The following ANKRD45 variants were observed in gnomAD, a reference collection of about 807,000 sequenced individuals.
ANKRD45 encodes the protein ankyrin repeat domain 45.
Under a neutral mutation model 28.1 loss-of-function variants are expected in ANKRD45, and 21 were observed. The observed-to-expected ratio is 0.75, with a 90% CI of 0.53 to 1.08. The LOEUF is 1.08. Among genes scored for constraint, ANKRD45 ranks in the 50% least tolerant of loss-of-function variants. ANKRD45 has a pLI of 0.00. For missense variants in ANKRD45, 261 were observed against 308.7 expected (o/e 0.85, Z 1.16); for synonymous variants, 86 against 103.9 (o/e 0.83, Z 1.05).
intron 1 of ANKRD45, chr1:173,667,773 C>T (rs1423669870): frequency 2.4e-6 from 1 of 416,400 alleles, no homozygotes; most frequent in African/African-American, 2.1e-5. Flanking sequence ...AAAATGTGCA[C>T]AATTATCTGA....
upstream of ANKRD45, among the ~76,000 whole-genome samples, chr1:173,672,850 G>T (rs185738988): frequency 2.3e-3 from 355 of 152,250 alleles, 4 homozygotes; most frequent in Admixed American, 0.022. Flanking sequence ...TGAAGGGGCC[G>T]AGTGCCCATG....
At chr1:173,663,087 A>C (rs115689228) in intron 1 of ANKRD45, among the ~76,000 whole-genome samples, 21 of 143,290 alleles carry the variant, frequency 1.5e-4, no homozygotes, top group African/African-American at 5.5e-4. Context: ...ACACACACAC[A>C]CACACCTTCT....
At chr1:173,691,232 TTTTTG>T in the ANKRD45 span, among the ~76,000 whole-genome samples, 3 of 152,104 alleles carry the variant, frequency 2.0e-5, no homozygotes, top group African/African-American at 7.2e-5. Context: ...GCTGGCCAGT[TTTTTG>T]TTTTGGTTTG....
At chr1:173,638,511 C>A (rs115888976) in intron 3 of ANKRD45, among the ~76,000 whole-genome samples, 79 of 152,232 alleles carry the variant, frequency 5.2e-4, no homozygotes, top group African/African-American at 1.9e-3. Context: ...AAACCTCCAG[C>A]AAGGAGCAAG....
At chr1:173,682,686 C>T in the ANKRD45 span, among the ~76,000 whole-genome samples, 3 of 79,786 alleles carry the variant, frequency 3.8e-5, no homozygotes, top group African/African-American at 1.3e-4. Context: ...CTTTTAAATA[C>T]ACACACACAC....
chr1:173,694,075 T>C, the ANKRD45 span, among the ~76,000 whole-genome samples: 1 of 152,210 alleles, frequency 6.6e-6, no homozygotes, highest in African/African-American at 2.4e-5. Flanking sequence ...TAGCACTGTC[T>C]AAGGCACTAT....
the ANKRD45 span, among the ~76,000 whole-genome samples, chr1:173,707,243 C>T: frequency 1.3e-5 from 2 of 151,008 alleles, no homozygotes; most frequent in African/African-American, 4.9e-5. Context: ...TTTTTTACTA[C>T]ATTTATCTTT....
chr1:173,627,204 G>A (rs1667978119), intron 3 of ANKRD45, 45 bp from the exon 4 acceptor site: 2 of 1,335,514 alleles, frequency 1.5e-6, no homozygotes, highest in African/African-American at 3.1e-5. Context: ...ACAAACACAA[G>A]AGGCAAAGCA....
intron 3 of ANKRD45, among the ~76,000 whole-genome samples, chr1:173,639,662 A>ATC (rs1337705644): frequency 6.6e-6 from 1 of 152,126 alleles, no homozygotes; most frequent in Non-Finnish European, 1.5e-5. Context: ...TAAAGAAATC[A>ATC]CCTCCAAGGG....
At chr1:173,641,856 A>C (rs1668715020) in intron 3 of ANKRD45, among the ~76,000 whole-genome samples, 1 of 152,206 alleles carries the variant, frequency 6.6e-6, no homozygotes, top group Non-Finnish European at 1.5e-5. Context: ...GGTTAACTAC[A>C]TATCTATAAA....
At chr1:173,611,686 C>T (rs1224453817) in intron 5 of ANKRD45, among the ~76,000 whole-genome samples, 2 of 151,830 alleles carry the variant, frequency 1.3e-5, no homozygotes. Context: ...ACAAAACTCT[C>T]AGAAGAAAAC....
At chr1:173,712,935 T>C in the ANKRD45 span, among the ~76,000 whole-genome samples, 1 of 152,182 alleles carries the variant, frequency 6.6e-6, no homozygotes, top group Non-Finnish European at 1.5e-5. Context: ...AGGGTTAGCA[T>C]TTTCCAAGTG....
the ANKRD45 span, among the ~76,000 whole-genome samples, chr1:173,696,652 C>T: frequency 7.9e-5 from 12 of 152,168 alleles, no homozygotes; most frequent in Admixed American, 7.2e-4. Context: ...TTGACCAATA[C>T]CATGCTGTTT....
intron 4 of ANKRD45, among the ~76,000 whole-genome samples, chr1:173,625,170 CAT>C (rs1426929312): frequency 6.6e-6 from 1 of 152,060 alleles, no homozygotes; most frequent in African/African-American, 2.4e-5. Context: ...TGAATAGTCA[CAT>C]GTGGCTAGTA....
intron 2 of ANKRD45, among the ~76,000 whole-genome samples, chr1:173,651,448 C>A (rs1669216693): frequency 1.3e-5 from 2 of 152,108 alleles, no homozygotes; most frequent in African/African-American, 4.8e-5. Context: ...TTCCATTGGT[C>A]TATATCTCTG....
At chr1:173,661,563 G>A (rs1182118198) in intron 1 of ANKRD45, among the ~76,000 whole-genome samples, 2 of 152,196 alleles carry the variant, frequency 1.3e-5, no homozygotes, top group Non-Finnish European at 2.9e-5. Flanking sequence ...TAGGAACTAA[G>A]TAGGTTTCAA....
chr1:173,691,727 C>T, the ANKRD45 span, among the ~76,000 whole-genome samples: 2 of 152,188 alleles, frequency 1.3e-5, no homozygotes. Flanking sequence ...ACAGAGCTTG[C>T]AGTGAGCTGA....
chr1:173,613,350 C>T (rs1271805788), intron 5 of ANKRD45, among the ~76,000 whole-genome samples: 1 of 151,420 alleles, frequency 6.6e-6, no homozygotes, highest in Non-Finnish European at 1.5e-5. Flanking sequence ...AGCCCCTCCG[C>T]CCAGCAGCCG....
At chr1:173,705,522 C>T in the ANKRD45 span, among the ~76,000 whole-genome samples, 2 of 150,410 alleles carry the variant, frequency 1.3e-5, no homozygotes, top group Non-Finnish European at 1.5e-5. Flanking sequence ...AAAAAATTAG[C>T]CAGGTGTGGT....
Sources: gnomAD v4.1 joint callset for allele counts (sites outside exome capture counted in the v4.1 genomes callset) on GRCh38, gnomAD v4.1.1 for gene constraint, MANE v1.5 for transcripts, NCBI Gene and HGNC (gene_info 2026-07-23, HGNC 2026-07-21) for gene names.